FAR1: variants seen among roughly 807,000 people sequenced by gnomAD.
The protein encoded by FAR1 is fatty acyl-CoA reductase 1.
Under a neutral mutation model 61.1 loss-of-function variants are expected in FAR1, and 22 were observed. The observed-to-expected ratio is 0.36, with a 90% confidence interval of 0.26 to 0.51. The LOEUF (loss-of-function observed/expected upper bound fraction) is 0.51, where lower values mean the gene tolerates loss of function less well. FAR1 is among the 20% of genes least tolerant of loss of function. FAR1 has a pLI of 0.95. For synonymous variants in FAR1, 206 were observed against 209.7 expected (o/e 0.98, Z 0.15); for missense variants, 359 against 626.9 (o/e 0.57, Z 4.56).
rs1015885529 is a variant in FAR1, at chr11:13,687,816, A to G, written c.-7-6943A>G. On this transcript the variant is annotated intron_variant, in intron 1 of 11. Transcript: ENST00000354817. ...ATGTCCTTTGTAGGGACATGGATGAAGCTGGAAACCATCATTCTCAGCAAA... is the reference window on the plus strand; with the variant it reads ...ATGTCCTTTGTAGGGACATGGATGAGGCTGGAAACCATCATTCTCAGCAAA... 2.5e-4 allele frequency among the ~76,000 whole-genome samples: 38 copies of G among 152,090 alleles called. 1 individual carries two copies. The highest frequency in any genetic ancestry group is 1.5e-5 in the Non-Finnish European group (1 of 68,022).
At chr11:13,700,842 T>G (rs7106640) in intron 3 of FAR1, among the ~76,000 whole-genome samples, 13,662 of 152,182 alleles carry the variant, frequency 0.09, 708 homozygotes, top group South Asian at 0.13. Context: ...TCTTCTAATC[T>G]ACATCATATC....
chr11:13,715,599 T>C lies in FAR1; in HGVS notation c.1127+919T>C, dbSNP rs1200485038. On this transcript the variant is annotated intron_variant, in intron 9 of 11. Transcript: ENST00000354817. ...GGTTATTTCAGTTTTTGACTAATTA[T>C]CCAGGTTGGGAATGGCATAGTTATG... is the stretch of plus-strand genomic sequence containing the variant. Among the ~76,000 whole-genome samples, 3 of 152,122 alleles carry C rather than the reference T, an allele frequency of 2.0e-5. No homozygotes were observed. The East Asian group carries it at 5.8e-4, about 29-fold the overall frequency.
At position 13,731,464 on chromosome 11, in the gene FAR1, CAAAAAGTAATAAA is replaced by C. The variant is rs1249904261; in HGVS notation, c.*2691_*2703del. 3 of 152,218 alleles carry C rather than the reference CAAAAAGTAATAAA, an allele frequency of 2.0e-5. No individual in the cohort carries two copies. The East Asian group carries it at 5.8e-4, about 29-fold the overall frequency. The allele number at this position is 152,218 out of a possible 1,614,324, so 9.4% of individuals were successfully genotyped here. On this transcript the variant is annotated 3_prime_UTR_variant, in exon 12 of 12. Transcript: ENST00000354817. ...TTATTGGGTGCCTTTGTTTGTAAAC[CAAAAAGTAATAAA>C]TGAATCCCTATATTTCCATTATAGT...
At chr11:13,696,483 G>A (rs1017318162) in intron 2 of FAR1, among the ~76,000 whole-genome samples, 3 of 152,102 alleles carry the variant, frequency 2.0e-5, no homozygotes, top group East Asian at 1.9e-4. Flanking sequence ...CATCTTCTTC[G>A]GGGTCTTCAG....
In FAR1 at chr11:13,708,014, C is replaced by G; in HGVS notation, c.480C>G (p.Arg160=). ...HVSTAYAYCN[R]KHIDEVVYPP... Reference sequence around the variant, plus strand: ...CAACAGCATATGCCTACTGTAATCGCAAGCATATTGATGAAGTAGTCTATC... The same window carrying G: ...CAACAGCATATGCCTACTGTAATCGGAAGCATATTGATGAAGTAGTCTATC... The change falls in exon 4 of 12, where the codon CGC becomes CGG. Residue 160 remains arginine (R), a synonymous_variant. Transcript: ENST00000354817. The G allele has an allele frequency of 6.2e-7, 1 of 1,608,800 alleles. No individual in the cohort carries two copies. Among genetic ancestry groups the G allele is most frequent in the East Asian group, 2.2e-5 (1 of 44,628 alleles).
At chr11:13,706,305 T>G (rs1015499357) in intron 3 of FAR1, among the ~76,000 whole-genome samples, 1 of 152,070 alleles carries the variant, frequency 6.6e-6, no homozygotes, top group Non-Finnish European at 1.5e-5. Flanking sequence ...AAATGAGGAT[T>G]AGAACAAGTT....
chr11:13,700,283 C>T (rs758770625), intron 2 of FAR1, 34 bp from the exon 3 acceptor site: 2 of 1,453,130 alleles, frequency 1.4e-6, no homozygotes, highest in South Asian at 1.3e-5. Flanking sequence ...TGGAAAAATA[C>T]TGCTGTAAAA....
At chr11:13,719,758 A>G (rs760638461) in intron 9 of FAR1, 1 of 152,182 alleles carries the variant, frequency 6.6e-6, no homozygotes, top group Non-Finnish European at 1.5e-5. Context: ...AGGGATGGTG[A>G]CAAGCATCTT....
At chr11:13,726,863 GC>G (rs1848671962) in intron 10 of FAR1, among the ~76,000 whole-genome samples, 1 of 151,500 alleles carries the variant, frequency 6.6e-6, no homozygotes, top group South Asian at 2.1e-4. Flanking sequence ...TTTTATAGTA[GC>G]TTTCCCTTCC....
chr11:13,683,600 C>G (rs755769956), intron 1 of FAR1, among the ~76,000 whole-genome samples: 20 of 151,942 alleles, frequency 1.3e-4, no homozygotes, highest in African/African-American at 4.4e-4. Flanking sequence ...AGGCTGGTCT[C>G]GAACTCCTGG....
chr11:13,704,786 C>T (rs1274433623), intron 3 of FAR1, among the ~76,000 whole-genome samples: 2 of 152,090 alleles, frequency 1.3e-5, no homozygotes, highest in African/African-American at 4.8e-5. Flanking sequence ...AGTATTTTCT[C>T]AGGGGCAGTA....
At chr11:13,711,293 T>C (rs1255021115) in intron 5 of FAR1, among the ~76,000 whole-genome samples, 1 of 152,184 alleles carries the variant, frequency 6.6e-6, no homozygotes, top group Non-Finnish European at 1.5e-5. Context: ...GGTCAATTGA[T>C]TTAGGCAAAA....
chr11:13,707,841 T>C lies in FAR1; in HGVS notation c.366-59T>C, dbSNP rs1848450578. 2.4e-6 allele frequency: 3 copies of C among 1,247,860 alleles called. No homozygotes were observed. In the Admixed American group the frequency reaches 9.1e-5, roughly 38 times the overall value. The allele number at this position is 1,247,860 out of a possible 1,614,324, so 77.3% of individuals were successfully genotyped here. On this transcript the variant is annotated intron_variant, in intron 3 of 11. Transcript: ENST00000354817. Reference sequence around the variant, plus strand: ...ACTTCTCTAATGAAAATGATATTTTTAACAGGTAAAATAACATAGCTTCCC... The same window carrying C: ...ACTTCTCTAATGAAAATGATATTTTCAACAGGTAAAATAACATAGCTTCCC...
At chr11:13,705,484 C>T (rs1848422815) in intron 3 of FAR1, among the ~76,000 whole-genome samples, 1 of 152,114 alleles carries the variant, frequency 6.6e-6, no homozygotes, top group South Asian at 2.1e-4. Flanking sequence ...ACTCTGTCAC[C>T]ATCCTCAGGG....
intron 1 of FAR1, among the ~76,000 whole-genome samples, chr11:13,670,420 A>C (rs1847986211): frequency 6.6e-6 from 1 of 152,148 alleles, no homozygotes; most frequent in South Asian, 2.1e-4. Flanking sequence ...CCTCTCGAGT[A>C]GTTGGGACTA....
At chr11:13,714,156 A>G (rs969113340) in intron 8 of FAR1, among the ~76,000 whole-genome samples, 3 of 144,990 alleles carry the variant, frequency 2.1e-5, no homozygotes, top group Non-Finnish European at 4.4e-5. Context: ...AAGTACAGTA[A>G]TAAGAGTCTG....
chr11:13,674,292 G>C (rs1309740698), intron 1 of FAR1, among the ~76,000 whole-genome samples: 3 of 144,508 alleles, frequency 2.1e-5, no homozygotes, highest in African/African-American at 7.7e-5. Context: ...CTGGACAACA[G>C]AGCAAGACTC....
chr11:13,678,321 G>A (rs1848089301), intron 1 of FAR1, among the ~76,000 whole-genome samples: 1 of 152,146 alleles, frequency 6.6e-6, no homozygotes, highest in Non-Finnish European at 1.5e-5. Context: ...AGGGAGTGCA[G>A]TGGTGCGATC....
intron 8 of FAR1, among the ~76,000 whole-genome samples, chr11:13,713,947 C>T (rs939062521): frequency 3.3e-5 from 5 of 151,662 alleles, no homozygotes; most frequent in Non-Finnish European, 5.9e-5. Context: ...TGAAATTGAG[C>T]GTTATATTTT....
Sources: allele counts gnomAD v4.1 joint callset (sites outside exome capture counted in the v4.1 genomes callset), GRCh38; gene constraint gnomAD v4.1.1; transcripts MANE v1.5; gene names NCBI Gene and HGNC (gene_info 2026-07-23, HGNC 2026-07-21).